The following MAGI1 variants were observed in gnomAD, a reference collection of about 807,000 sequenced individuals.
MAGI1 encodes membrane associated guanylate kinase, WW and PDZ domain containing 1, also known as membrane-associated guanylate kinase, WW and PDZ domain-containing protein 1.
MAGI1 carries 58 observed loss-of-function variants against 139.9 expected under a neutral mutation model. The ratio of observed to expected loss-of-function variants is 0.41; its 90% CI spans 0.34 to 0.52. The LOEUF (loss-of-function observed/expected upper bound fraction) is 0.52, where lower values mean the gene tolerates loss of function less well. MAGI1 is among the 20% of genes least tolerant of loss of function. MAGI1 has a pLI of 0.12. For synonymous variants in MAGI1, 812 were observed against 737.9 expected (o/e 1.10, Z -1.63); for missense variants, 1,874 against 1,901.6 (o/e 0.99, Z 0.27).
intron 1 of MAGI1, among the ~76,000 whole-genome samples, chr3:65,904,353 T>C (rs903904715): frequency 1.3e-5 from 2 of 152,144 alleles, no homozygotes. Context: ...CTACCACATC[T>C]TCAAAGAGAC....
intron 2 of MAGI1, among the ~76,000 whole-genome samples, chr3:65,594,165 A>T (rs7643256): frequency 0.37 from 55,930 of 152,088 alleles, 11,657 homozygotes; most frequent in East Asian, 0.66. Context: ...ATTTGAAAAA[A>T]CAAAACCAAA....
At chr3:65,507,275 G>C (rs1053678224) in intron 2 of MAGI1, among the ~76,000 whole-genome samples, 3 of 152,122 alleles carry the variant, frequency 2.0e-5, no homozygotes, top group Non-Finnish European at 1.5e-5. Context: ...CTTTCCATTT[G>C]TTAACACATG....
intron 1 of MAGI1, among the ~76,000 whole-genome samples, chr3:65,849,614 G>A (rs947272097): frequency 2.0e-5 from 3 of 151,780 alleles, no homozygotes; most frequent in African/African-American, 4.8e-5. Context: ...GTCTAATACT[G>A]ACTGATAAAC....
intron 1 of MAGI1, among the ~76,000 whole-genome samples, chr3:65,948,920 T>C (rs780996392): frequency 1.3e-5 from 2 of 152,138 alleles, no homozygotes; most frequent in Non-Finnish European, 2.9e-5. Context: ...AACAACTGAA[T>C]TGAATTCTCC....
intron 1 of MAGI1, among the ~76,000 whole-genome samples, chr3:65,817,799 A>C (rs532891750): frequency 6.6e-6 from 1 of 152,362 alleles, no homozygotes; most frequent in East Asian, 1.9e-4. Context: ...TCACAGTAAC[A>C]AAAAAGGAGG....
At chr3:65,909,792 C>T (rs80234902) in intron 1 of MAGI1, among the ~76,000 whole-genome samples, 1 of 151,990 alleles carries the variant, frequency 6.6e-6, no homozygotes, top group South Asian at 2.1e-4. Context: ...ATAATCAAAC[C>T]CAGATAGTAT....
intron 1 of MAGI1, among the ~76,000 whole-genome samples, chr3:65,625,363 T>C (rs966896463): frequency 1.3e-5 from 2 of 152,168 alleles, no homozygotes; most frequent in African/African-American, 4.8e-5. Context: ...AATGTTCAGG[T>C]TGCGTAGTTC....
chr3:65,929,365 C>A (rs1052983260), intron 1 of MAGI1, among the ~76,000 whole-genome samples: 1 of 150,692 alleles, frequency 6.6e-6, no homozygotes, highest in Non-Finnish European at 1.5e-5. Flanking sequence ...TTTTTGAGAC[C>A]GAGTCTCGCT....
At chr3:65,983,186 A>T (rs956632448) in intron 1 of MAGI1, among the ~76,000 whole-genome samples, 12 of 152,206 alleles carry the variant, frequency 7.9e-5, no homozygotes, top group African/African-American at 2.4e-4. Context: ...AAAGTTCAAG[A>T]CACATCATAA....
chr3:65,499,089 T>G lies in MAGI1; in HGVS notation c.431-5458A>C, dbSNP rs1028509936. The G allele has an allele frequency of 6.4e-6, 6 of 933,656 alleles. No homozygotes were observed. The African/African-American group carries it at 8.9e-5, about 14-fold the overall frequency. 57.8% of individuals were successfully genotyped at this position (933,656 alleles called of 1,614,324 possible). A position where few individuals can be genotyped will look rare whatever the true frequency, so the allele number is the denominator to read the frequency against. ...AAAAAAAAAACAAAAAACTCTCATA[T>G]GCTTTGAAAAACTATCTAGTCAACT... On this transcript the variant is annotated intron_variant, in intron 2 of 22. Coordinates refer to ENST00000402939, the MANE Select transcript of MAGI1 (RefSeq NM_001033057.2).
intron 1 of MAGI1, among the ~76,000 whole-genome samples, chr3:65,639,800 C>G (rs1186771025): frequency 6.6e-6 from 1 of 151,888 alleles, no homozygotes; most frequent in Non-Finnish European, 1.5e-5. Context: ...GTCTGGAGTT[C>G]AAGACCAGCC....
chr3:65,713,415 TA>T lies in MAGI1; in HGVS notation c.314-91328del, dbSNP rs2031764513. 1.3e-5 allele frequency among the ~76,000 whole-genome samples: 2 copies of T among 152,098 alleles called. 1 individual carries two copies. The highest frequency in any genetic ancestry group is 4.2e-4 in the South Asian group (2 of 4,816). ...TGGGAGGTAACCATTGTTTTCCCCC[TA>T]TCAAGCTGCAAGAGAGATTTTTTAA... On this transcript the variant is annotated intron_variant, in intron 1 of 22. Transcript: ENST00000402939.
At chr3:65,677,698 T>G (rs768029526) in intron 1 of MAGI1, among the ~76,000 whole-genome samples, 2 of 152,162 alleles carry the variant, frequency 1.3e-5, no homozygotes, top group Non-Finnish European at 2.9e-5. Context: ...ACCTCTGCAC[T>G]TTCTCCCACT....
chr3:65,729,984 T>C (rs543113048), intron 1 of MAGI1, among the ~76,000 whole-genome samples: 1 of 152,352 alleles, frequency 6.6e-6, no homozygotes, highest in East Asian at 1.9e-4. Flanking sequence ...TTTTGGGGCC[T>C]CATGTTCAAT....
intron 1 of MAGI1, among the ~76,000 whole-genome samples, chr3:65,735,604 CA>C (rs2034657300): frequency 6.6e-6 from 1 of 152,046 alleles, no homozygotes; most frequent in Admixed American, 6.6e-5. Context: ...CCGTCCAACC[CA>C]GTGAATGATC....
chr3:65,663,292 A>G (rs78493065), intron 1 of MAGI1, among the ~76,000 whole-genome samples: 26,477 of 152,158 alleles, frequency 0.17, 3,172 homozygotes, highest in Non-Finnish European at 0.27. Context: ...TAGCAGAAAC[A>G]TCACAGCATT....
chr3:65,955,279 G>A (rs1690885050), intron 1 of MAGI1, among the ~76,000 whole-genome samples: 1 of 152,182 alleles, frequency 6.6e-6, no homozygotes, highest in Non-Finnish European at 1.5e-5. Flanking sequence ...GCCAAAGCAG[G>A]AGGATCACTT....
At chr3:65,783,125 C>G (rs4688600) in intron 1 of MAGI1, among the ~76,000 whole-genome samples, 67,535 of 151,582 alleles carry the variant, frequency 0.45, 15,402 homozygotes, top group Admixed American at 0.58. Flanking sequence ...TTACAAATCA[C>G]ATATCTAATA....
intron 2 of MAGI1, among the ~76,000 whole-genome samples, chr3:65,494,123 C>G (rs1207176095): frequency 6.6e-6 from 1 of 152,174 alleles, no homozygotes; most frequent in African/African-American, 2.4e-5. Flanking sequence ...GCTGCATAAA[C>G]ACATCACCAG....
Sources: gnomAD v4.1 joint callset for allele counts (sites outside exome capture counted in the v4.1 genomes callset) on GRCh38, gnomAD v4.1.1 for gene constraint, MANE v1.5 for transcripts, NCBI Gene and HGNC (gene_info 2026-07-23, HGNC 2026-07-21) for gene names.